GBE1: variants seen among roughly 807,000 people sequenced by gnomAD.
The protein encoded by GBE1 is 1,4-alpha-glucan-branching enzyme.
GBE1 carries 70 observed loss-of-function variants against 88.8 expected under a neutral mutation model. The observed-to-expected ratio is 0.79, with a 90% confidence interval of 0.65 to 0.96. GBE1 has a LOEUF of 0.96. Ranked by LOEUF, GBE1 falls within the 40% of genes least tolerant of loss-of-function variation. The pLI, the probability that GBE1 is intolerant of heterozygous loss-of-function variation, is 0.00. For synonymous variants in GBE1, 284 were observed against 300.1 expected (o/e 0.95, Z 0.56); for missense variants, 872 against 871.0 (o/e 1.00, Z -0.01).
At chr3:81,735,537 G>A (rs1575770892) in intron 1 of GBE1, among the ~76,000 whole-genome samples, 1 of 152,300 alleles carries the variant, frequency 6.6e-6, no homozygotes, top group East Asian at 1.9e-4. Context: ...GACCCATGGC[G>A]ATGCGGATGC....
At chr3:81,610,023 T>C (rs936922064) in intron 7 of GBE1, among the ~76,000 whole-genome samples, 1 of 152,154 alleles carries the variant, frequency 6.6e-6, no homozygotes, top group Non-Finnish European at 1.5e-5. Flanking sequence ...AATAATGCAA[T>C]AGGCACAGAA....
chr3:81,759,612 C>G (rs1397981157), intron 1 of GBE1, among the ~76,000 whole-genome samples: 2 of 152,218 alleles, frequency 1.3e-5, no homozygotes, highest in Admixed American at 1.3e-4. Context: ...GGCCATTACT[C>G]AGAACCAAGG....
chr3:81,671,501 C>T (rs1439297392), intron 2 of GBE1, among the ~76,000 whole-genome samples: 4 of 152,046 alleles, frequency 2.6e-5, no homozygotes, highest in African/African-American at 4.8e-5. Context: ...GTAAAACCAA[C>T]AAGAGCAGAC....
At chr3:81,562,374 C>T (rs908040357) in intron 12 of GBE1, among the ~76,000 whole-genome samples, 51 of 152,090 alleles carry the variant, frequency 3.4e-4, no homozygotes, top group African/African-American at 1.2e-3. Context: ...GCTGCACCAA[C>T]ACCACTACCA....
chr3:81,660,966 T>A (rs1342752281), intron 3 of GBE1, among the ~76,000 whole-genome samples: 1 of 152,122 alleles, frequency 6.6e-6, no homozygotes, highest in African/African-American at 2.4e-5. Context: ...TTATTAAACA[T>A]AACCAAAAAT....
intron 14 of GBE1, among the ~76,000 whole-genome samples, chr3:81,507,330 C>T (rs545945329): frequency 9.2e-5 from 14 of 152,094 alleles, no homozygotes; most frequent in East Asian, 3.9e-4. Flanking sequence ...TTTGGGAGGC[C>T]GAGGCGGGCA....
Position 81,744,171 on chromosome 3 carries a change from CATT to C in GBE1, c.143+17201_143+17203del, listed in dbSNP as rs555724992. Among the ~76,000 whole-genome samples the C allele has an allele frequency of 4.1e-4, 62 of 151,960 alleles. 1 individual carries two copies. In the East Asian group the frequency reaches 0.012, roughly 30 times the overall value. On this transcript the variant is annotated intron_variant, in intron 1 of 15. Coordinates refer to ENST00000429644, the MANE Select transcript of GBE1 (RefSeq NM_000158.4). ...TCTAATATGGTAGCCACCAGCCAAACATTATTATTAAGCACTTGAAATATGACT... is the reference window on the plus strand; with the variant it reads ...TCTAATATGGTAGCCACCAGCCAAACATTATTAAGCACTTGAAATATGACT...
intron 2 of GBE1, among the ~76,000 whole-genome samples, chr3:81,704,887 A>T (rs144838208): frequency 1.6e-3 from 243 of 152,218 alleles, no homozygotes; most frequent in African/African-American, 5.1e-3. Flanking sequence ...AACTCTGTCT[A>T]GTGGAGTTAA....
chr3:81,564,664 A>G (rs1243301004), intron 12 of GBE1, among the ~76,000 whole-genome samples: 1 of 152,162 alleles, frequency 6.6e-6, no homozygotes, highest in African/African-American at 2.4e-5. Flanking sequence ...TATGGTCATC[A>G]GGAAGGATCT....
chr3:81,517,365 C>G (rs540188923), intron 14 of GBE1, among the ~76,000 whole-genome samples: 1 of 151,414 alleles, frequency 6.6e-6, no homozygotes, highest in Non-Finnish European at 1.5e-5. Context: ...CTATTGCACA[C>G]TTATTAGACT....
chr3:81,696,834 A>G (rs1347678403), intron 2 of GBE1, among the ~76,000 whole-genome samples: 1 of 152,198 alleles, frequency 6.6e-6, no homozygotes, highest in Non-Finnish European at 1.5e-5. Flanking sequence ...TATGTTACAC[A>G]ATTCAAAATC....
At chr3:81,713,011 A>G (rs985975328) in intron 1 of GBE1, among the ~76,000 whole-genome samples, 1 of 152,210 alleles carries the variant, frequency 6.6e-6, no homozygotes, top group South Asian at 2.1e-4. Flanking sequence ...TTCGACAAAA[A>G]TACCCAACAT....
At chr3:81,613,951 A>C (rs199722800) in intron 7 of GBE1, among the ~76,000 whole-genome samples, 4 of 151,980 alleles carry the variant, frequency 2.6e-5, no homozygotes, top group Admixed American at 6.5e-5. Context: ...AAAAAAAAAA[A>C]CCCTTAAAAC....
chr3:81,525,365 A>C (rs1321307957), intron 14 of GBE1, among the ~76,000 whole-genome samples: 1 of 152,056 alleles, frequency 6.6e-6, no homozygotes, highest in East Asian at 1.9e-4. Context: ...CCAGCCTTGC[A>C]TCCCAGGGAT....
chr3:81,750,632 T>TGTAC (rs1706506495), intron 1 of GBE1, among the ~76,000 whole-genome samples: 1 of 40,400 alleles, frequency 2.5e-5, no homozygotes, highest in Non-Finnish European at 4.1e-5. Flanking sequence ...TATATATACG[T>TGTAC]ATATATATAT....
At chr3:81,633,938 T>C (rs1704554067) in intron 7 of GBE1, among the ~76,000 whole-genome samples, 1 of 152,174 alleles carries the variant, frequency 6.6e-6, no homozygotes. Flanking sequence ...ACTAATTGTA[T>C]GACATTTTAA....
chr3:81,621,411 A>G (rs2107013759), intron 7 of GBE1, among the ~76,000 whole-genome samples: 1 of 152,326 alleles, frequency 6.6e-6, no homozygotes, highest in African/African-American at 2.4e-5. Context: ...ATTGTCATTC[A>G]AACATTTTTG....
rs561397041 is a variant in GBE1, at chr3:81,663,838, G to A, written c.429+7000C>T. The stretch of plus-strand genomic sequence containing the variant: ...TTGAGCAGCGGGGCACTGAAGTAGT[G>A]AGCCACACCCCCATCGCGCGCCCTG... On this transcript the variant is annotated intron_variant, in intron 3 of 15. Transcript: ENST00000429644. 1.5e-4 allele frequency among the ~76,000 whole-genome samples: 23 copies of A among 152,254 alleles called. No homozygotes were observed. The South Asian group carries it at 3.5e-3, about 23-fold the overall frequency.
At chr3:81,519,413 G>T (rs992872410) in intron 14 of GBE1, among the ~76,000 whole-genome samples, 4 of 151,328 alleles carry the variant, frequency 2.6e-5, no homozygotes, top group African/African-American at 9.7e-5. Context: ...TCACAACATT[G>T]TAACAGTTTG....
Sources: allele counts gnomAD v4.1 joint callset (sites outside exome capture counted in the v4.1 genomes callset), GRCh38; gene constraint gnomAD v4.1.1; transcripts MANE v1.5; gene names NCBI Gene and HGNC (gene_info 2026-07-23, HGNC 2026-07-21).